Variants in OR2T6 observed in about 807,000 individuals in gnomAD.
The protein encoded by OR2T6 is olfactory receptor family 2 subfamily T member 6, also known as olfactory receptor 2T6.
For synonymous variants in OR2T6, 174 were observed against 148.0 expected, an observed-to-expected ratio of 1.18 and a Z score of -1.27; for missense variants, 424 against 391.6, an observed-to-expected ratio of 1.08 and a Z score of -0.70.
chr1:248,378,804 T>C (rs1394911437), intron 1 of OR2T6, among the ~76,000 whole-genome samples: 1 of 152,222 alleles, frequency 6.6e-6, no homozygotes, highest in Non-Finnish European at 1.5e-5. Flanking sequence ...TACTGAATTA[T>C]TTAGTTTTAT....
intron 1 of OR2T6, among the ~76,000 whole-genome samples, chr1:248,377,430 T>C (rs143872296): frequency 2.6e-5 from 4 of 152,236 alleles, no homozygotes; most frequent in Admixed American, 2.0e-4. Flanking sequence ...CTAATGGCTG[T>C]TGATATAAGG....
In OR2T6 at chr1:248,387,950, G is replaced by A; in HGVS notation, c.342G>A (p.Leu114=). The A allele has an allele frequency of 6.2e-7, 1 of 1,607,408 alleles. No individual in the cohort carries two copies. Among genetic ancestry groups the A allele is most frequent in the Non-Finnish European group, 8.5e-7 (1 of 1,176,752 alleles). ...GCTTTATGGGGGCTGAATTCTTCCTGCTGGGGCTCATGGCCTATGACCGCT... is the reference window on the plus strand; with the variant it reads ...GCTTTATGGGGGCTGAATTCTTCCTACTGGGGCTCATGGCCTATGACCGCT... ...YMGFMGAEFF[L]LGLMAYDRYV... The change falls in exon 3 of 3, where the codon CTG becomes CTA. Residue 114 remains leucine, a synonymous_variant. Transcript: ENST00000641644.
In OR2T6 at chr1:248,389,095, T is replaced by C. The variant is rs1298179739; in HGVS notation, c.*560T>C. ...CCACTGAAAACACTCCTCCTTTATC[T>C]ACATTTGGAGCTAAAAAAAAATGAA... On this transcript the variant is annotated 3_prime_UTR_variant, in exon 3 of 3. Coordinates refer to ENST00000641644, the MANE Select transcript of OR2T6 (RefSeq NM_001005471.2). 6.8e-6 allele frequency: 1 copy of C among 147,516 alleles called. No homozygotes were observed. Among genetic ancestry groups the C allele is most frequent in the Non-Finnish European group, 1.5e-5 (1 of 67,222 alleles). 9.1% of individuals were successfully genotyped at this position (147,516 alleles called of 1,614,324 possible). A position where few individuals can be genotyped will look rare whatever the true frequency, so the allele number is the denominator to read the frequency against.
chr1:248,377,289 A>G (rs1354817276), intron 1 of OR2T6, among the ~76,000 whole-genome samples: 1 of 152,272 alleles, frequency 6.6e-6, no homozygotes, highest in East Asian at 1.9e-4. Flanking sequence ...GCAATATCAT[A>G]GAAGATATCA....
intron 1 of OR2T6, among the ~76,000 whole-genome samples, chr1:248,380,086 GTGTA>G (rs1347477933): frequency 2.6e-5 from 4 of 151,716 alleles, no homozygotes; most frequent in African/African-American, 9.7e-5. Context: ...AACTGTATGT[GTGTA>G]TGTATTATAT....
chr1:248,383,979 A>T (rs371719924), intron 1 of OR2T6, among the ~76,000 whole-genome samples: 44 of 40,430 alleles, frequency 1.1e-3, no homozygotes, highest in African/African-American at 2.6e-3. Flanking sequence ...CCTATCCTGA[A>T]GTGTTTCCTA....
rs374008246 is a variant in OR2T6, at chr1:248,388,518, G to A, written c.910G>A (p.Val304Ile). 2.5e-6 allele frequency: 4 copies of A among 1,571,526 alleles called. No individual in the cohort carries two copies. The highest frequency in any genetic ancestry group is 2.7e-5 in the African/African-American group (2 of 73,586). The change falls in exon 3 of 3, where the codon GTT (valine) becomes ATT (isoleucine). Residue 304 changes from valine (V) to isoleucine (I), a missense_variant. Val to Ile is a conservative substitution (Grantham distance 29, BLOSUM62 3). Transcript: ENST00000641644. ...GGATGTGATGGGTGCCTTGAAGAGAGTTGTGGCAAGATGTTAGGGGACATG... is the reference window on the plus strand; with the variant it reads ...GGATGTGATGGGTGCCTTGAAGAGAATTGTGGCAAGATGTTAGGGGACATG... ...NRDVMGALKR[V>I]VARC is the part of the protein sequence containing the mutation.
Position 248,388,234 on chromosome 1 carries a change from T to A in OR2T6, c.626T>A (p.Ile209Asn). The change falls in exon 3 of 3, where the codon ATC becomes AAC. Residue 209 changes from isoleucine to asparagine, a missense_variant. Transcript: ENST00000641644. ...MYVCCVAMLL[I>N]PFSVVTASYT... is the part of the protein sequence containing the mutation. ...GTGTGCTGCGTTGCAATGCTGCTGA[T>A]CCCCTTCTCGGTGGTGACTGCATCC... is the stretch of plus-strand genomic sequence containing the variant. 1.9e-6 allele frequency: 3 copies of A among 1,613,530 alleles called. No individual in the cohort carries two copies. Among genetic ancestry groups the A allele is most frequent in the Non-Finnish European group, 2.5e-6 (3 of 1,179,926 alleles).
At chr1:248,376,689 G>A (rs2000043) in intron 1 of OR2T6, among the ~76,000 whole-genome samples, 2,856 of 151,898 alleles carry the variant, frequency 0.019, 44 homozygotes, top group Middle Eastern at 0.048. Flanking sequence ...GATTCAGGTG[G>A]TACATGTGCA....
At position 248,391,094 on chromosome 1, in the gene OR2T6, C is replaced by T. The variant is rs189509167; in HGVS notation, c.*2559C>T. The T allele has an allele frequency of 6.6e-6, 1 of 152,282 alleles. No homozygotes were observed. The highest frequency in any genetic ancestry group is 6.5e-5 in the Admixed American group (1 of 15,288). The allele number at this position is 152,282 out of a possible 1,614,324, so 9.4% of individuals were successfully genotyped here. A position where few individuals can be genotyped will look rare whatever the true frequency, so the allele number is the denominator to read the frequency against. ...TGGAATACAGTTTGACAGTTTCTTACAATATTGAACATAATCTTATCATAT... is the reference window on the plus strand; with the variant it reads ...TGGAATACAGTTTGACAGTTTCTTATAATATTGAACATAATCTTATCATAT... On this transcript the variant is annotated 3_prime_UTR_variant, in exon 3 of 3. Transcript: ENST00000641644.
Position 248,387,890 on chromosome 1 carries a change from C to T in OR2T6, c.282C>T (p.Phe94=). The T allele has an allele frequency of 6.3e-7, 1 of 1,595,926 alleles. No individual in the cohort carries two copies. Among genetic ancestry groups the T allele is most frequent in the Non-Finnish European group, 8.6e-7 (1 of 1,168,706 alleles). Residue 94 remains phenylalanine, a synonymous_variant, in exon 3 of 3, where the codon TTC becomes TTT. Transcript: ENST00000641644. The part of the protein sequence containing the change: ...DYLMGEGTIS[F]IACTAQCFLY... ...TCATGGGCGAGGGGACCATCTCTTT[C>T]ATCGCCTGCACTGCTCAGTGCTTTC... is the stretch of plus-strand genomic sequence containing the variant.
At position 248,388,244 on chromosome 1, in the gene OR2T6, G is replaced by T. The variant is rs149727464; in HGVS notation, c.636G>T (p.Ser212=). The stretch of plus-strand genomic sequence containing the variant: ...TTGCAATGCTGCTGATCCCCTTCTC[G>T]GTGGTGACTGCATCCTACACCAGGA... ...CCVAMLLIPF[S]VVTASYTRIL... Residue 212 remains serine (S), a synonymous_variant, in exon 3 of 3, where the codon TCG becomes TCT. Transcript: ENST00000641644. 5 of 1,613,904 alleles carry T rather than the reference G, an allele frequency of 3.1e-6. No individual in the cohort carries two copies. Among genetic ancestry groups the T allele is most frequent in the Non-Finnish European group, 3.4e-6 (4 of 1,179,954 alleles).
chr1:248,377,199 C>T (rs1352436968), intron 1 of OR2T6, among the ~76,000 whole-genome samples: 3 of 152,170 alleles, frequency 2.0e-5, no homozygotes, highest in East Asian at 1.9e-4. Context: ...TTCTGGACTG[C>T]GTCATTAGCT....
At position 248,391,719 on chromosome 1, in the gene OR2T6, A is replaced by C. The variant is rs1661251343; in HGVS notation, c.*3184A>C. On this transcript the variant is annotated 3_prime_UTR_variant, in exon 3 of 3. Transcript: ENST00000641644. The stretch of plus-strand genomic sequence containing the variant: ...GTTAACAATAGGGAAAAGAGAGGGG[A>C]TATATAAAAACTTTCTGAACTATCC... 2 of 152,150 alleles carry C rather than the reference A, an allele frequency of 1.3e-5. No homozygotes were observed. Among genetic ancestry groups the C allele is most frequent in the Admixed American group, 1.3e-4 (2 of 15,250 alleles). The allele number at this position is 152,150 out of a possible 1,614,324, so 9.4% of individuals were successfully genotyped here.
At chr1:248,378,902 G>T (rs1052278529) in intron 1 of OR2T6, among the ~76,000 whole-genome samples, 1 of 152,028 alleles carries the variant, frequency 6.6e-6, no homozygotes, top group African/African-American at 2.4e-5. Flanking sequence ...TCTGGGTGCG[G>T]TAGCTCATGT....
chr1:248,380,801 GAT>G, intron 1 of OR2T6, among the ~76,000 whole-genome samples: 4 of 149,762 alleles, frequency 2.7e-5, no homozygotes, highest in African/African-American at 9.8e-5. Context: ...AAAAAAAAGA[GAT>G]TGTCCTATGG....
In OR2T6 at chr1:248,384,016, C is replaced by T. The variant is rs1181013088; in HGVS notation, c.-158-695C>T. ...TGTTATCATCATGGAGAAAGCACTGCACTAGCCTGAGTGTGTTCATCCTAT... is the reference window on the plus strand; with the variant it reads ...TGTTATCATCATGGAGAAAGCACTGTACTAGCCTGAGTGTGTTCATCCTAT... On this transcript the variant is annotated intron_variant, in intron 1 of 2. Coordinates refer to ENST00000641644, the MANE Select transcript of OR2T6 (RefSeq NM_001005471.2). Among the ~76,000 whole-genome samples, 5 of 54,396 alleles carry T rather than the reference C, an allele frequency of 9.2e-5. 1 individual carries two copies. The highest frequency in any genetic ancestry group is 4.8e-4 in the African/African-American group (4 of 8,418). The allele number at this position is 54,396 out of a possible 152,430, so 35.7% of individuals were successfully genotyped here.
In OR2T6 at chr1:248,387,916, T is replaced by C. The variant is rs1220027810; in HGVS notation, c.308T>C (p.Leu103Pro). The change falls in exon 3 of 3, where the codon CTC (leucine) becomes CCC (proline). Residue 103 changes from leucine to proline, a missense_variant. Coordinates refer to ENST00000641644, the MANE Select transcript of OR2T6 (RefSeq NM_001005471.2). ...ATCGCCTGCACTGCTCAGTGCTTTC[T>C]CTACATGGGCTTTATGGGGGCTGAA... Reference protein sequence around the residue: ...SFIACTAQCFLYMGFMGAEFF... With the variant: ...SFIACTAQCFPYMGFMGAEFF... 6.2e-7 allele frequency: 1 copy of C among 1,604,578 alleles called. No individual in the cohort carries two copies. The highest frequency in any genetic ancestry group is 1.1e-5 in the South Asian group (1 of 88,864).
chr1:248,383,330 G>C (rs371080507), intron 1 of OR2T6, among the ~76,000 whole-genome samples: 4 of 117,196 alleles, frequency 3.4e-5, no homozygotes, highest in East Asian at 6.5e-4. Context: ...CATGGGTAAA[G>C]CACTGCACTA....
Sources: gnomAD v4.1 joint callset for allele counts (sites outside exome capture counted in the v4.1 genomes callset) on GRCh38, gnomAD v4.1.1 for gene constraint, MANE v1.5 for transcripts, NCBI Gene and HGNC (gene_info 2026-07-23, HGNC 2026-07-21) for gene names.